The following AHI1 variants were observed in gnomAD, a reference collection of about 807,000 sequenced individuals.
AHI1 encodes the protein Abelson helper integration site 1, also known as jouberin.
Under a neutral mutation model 149.3 loss-of-function variants are expected in AHI1, and 123 were observed. That is an observed-to-expected ratio of 0.82 (90% CI 0.71 to 0.96). The LOEUF (loss-of-function observed/expected upper bound fraction) is 0.96. Among genes scored for constraint, AHI1 ranks in the 40% least tolerant of loss-of-function variants. AHI1 has a pLI of 0.00. For missense variants in AHI1, 1,439 were observed against 1,422.7 expected (o/e 1.01, Z -0.18); for synonymous variants, 475 against 459.8 (o/e 1.03, Z -0.42).
At chr6:135,374,081 C>CATATATATATATATAT (rs1180224509) in intron 23 of AHI1, among the ~76,000 whole-genome samples, 3 of 50,300 alleles carry the variant, frequency 6.0e-5, no homozygotes, top group Non-Finnish European at 7.8e-5. Flanking sequence ...TTTATATATA[C>CATATATATATATATAT]ATATATATAT....
Position 135,283,920 on chromosome 6 carries a change from ACT to A in AHI1, c.*1723_*1724del, listed in dbSNP as rs1351227731. The A allele has an allele frequency of 6.6e-6, 1 of 152,224 alleles. No individual in the cohort carries two copies. The highest frequency in any genetic ancestry group is 6.5e-5 in the Admixed American group (1 of 15,284). 9.4% of individuals were successfully genotyped at this position (152,224 alleles called of 1,614,324 possible). ...TTCATTCATCTTAAATTATTTCTAA[ACT>A]TGTTGAAATTCTTGGTGATTCAATC... On this transcript the variant is annotated 3_prime_UTR_variant, in exon 29 of 29. Coordinates refer to ENST00000265602, the MANE Select transcript of AHI1 (RefSeq NM_001134831.2).
In AHI1 at chr6:135,285,542, C is replaced by A; in HGVS notation, c.*103G>T. 1 of 1,206,294 alleles carries A rather than the reference C, an allele frequency of 8.3e-7. No individual in the cohort carries two copies. Among genetic ancestry groups the A allele is most frequent in the Non-Finnish European group, 1.2e-6 (1 of 831,492 alleles). 74.7% of individuals were successfully genotyped at this position (1,206,294 alleles called of 1,614,324 possible). On this transcript the variant is annotated 3_prime_UTR_variant, in exon 29 of 29. Transcript: ENST00000265602. ...AACAAGAAGTAGTGGATCCTTTCTT[C>A]CTCCTTAGTATCTGAAAATTCTGAA...
intron 24 of AHI1, among the ~76,000 whole-genome samples, chr6:135,350,746 A>G (rs1562554683): frequency 6.6e-6 from 1 of 152,186 alleles, no homozygotes; most frequent in Non-Finnish European, 1.5e-5. Flanking sequence ...AGAGAGATCA[A>G]ATGTTCGAAG....
intron 24 of AHI1, among the ~76,000 whole-genome samples, chr6:135,356,074 G>T (rs1241947422): frequency 6.6e-6 from 1 of 152,178 alleles, no homozygotes; most frequent in Admixed American, 6.5e-5. Context: ...ATGAAAATGG[G>T]TAAAGAAGTA....
intron 23 of AHI1, among the ~76,000 whole-genome samples, chr6:135,391,300 G>A (rs12190426): frequency 0.15 from 22,877 of 152,152 alleles, 2,151 homozygotes; most frequent in Non-Finnish European, 0.21. Flanking sequence ...CCAGGTTCAT[G>A]GAAGACAATT....
intron 13 of AHI1, among the ~76,000 whole-genome samples, chr6:135,445,374 C>A (rs921401441): frequency 3.3e-5 from 5 of 152,058 alleles, no homozygotes; most frequent in African/African-American, 1.2e-4. Context: ...CTTGCCACTG[C>A]ATAAAATGCT....
rs114239734 is a variant in AHI1 at position 135,401,925 on chromosome 6, C to A, written c.2988+3026G>T. On this transcript the variant is annotated intron_variant, in intron 22 of 28. Transcript: ENST00000265602. ...AAAATGGGATAAAATATTTGCAAAT[C>A]ATCTAACTCATAAGACACTTGTATC... Among the ~76,000 whole-genome samples, 215 of 152,058 alleles carry A rather than the reference C, an allele frequency of 1.4e-3. 2 individuals carry two copies. Among genetic ancestry groups the A allele is most frequent in the African/African-American group, 5.0e-3 (207 of 41,502 alleles).
At chr6:135,380,738 C>A (rs1776629466) in intron 23 of AHI1, among the ~76,000 whole-genome samples, 1 of 119,504 alleles carries the variant, frequency 8.4e-6, no homozygotes, top group Admixed American at 7.9e-5. Flanking sequence ...ATAACCCCCC[C>A]CCCCCCAAAA....
rs1323544020 is a variant in AHI1, at chr6:135,322,113, AC to A, written c.3328+1048del. Among the ~76,000 whole-genome samples the A allele has an allele frequency of 3.3e-5, 5 of 152,328 alleles. No individual in the cohort carries two copies. In the East Asian group the frequency reaches 9.6e-4, roughly 29 times the overall value. On this transcript the variant is annotated intron_variant, in intron 25 of 28. Coordinates refer to ENST00000265602, the MANE Select transcript of AHI1 (RefSeq NM_001134831.2). ...CCACAGTGCCTGGCCCGCCTATACT[AC>A]ATTTTGAATCAGAACCAGAATTTTT...
intron 4 of AHI1, among the ~76,000 whole-genome samples, chr6:135,491,375 T>C (rs1795223141): frequency 6.6e-6 from 1 of 152,140 alleles, no homozygotes; most frequent in African/African-American, 2.4e-5. Flanking sequence ...TTCCTTTAGC[T>C]CCTCCGTCAC....
intron 23 of AHI1, among the ~76,000 whole-genome samples, chr6:135,371,290 T>C (rs1775020498): frequency 1.3e-5 from 2 of 152,238 alleles, no homozygotes; most frequent in South Asian, 4.1e-4. Flanking sequence ...TATGCCTTCC[T>C]TTGGATAAGA....
intron 23 of AHI1, among the ~76,000 whole-genome samples, chr6:135,383,222 C>G (rs996842952): frequency 5.9e-5 from 4 of 67,644 alleles, no homozygotes; most frequent in African/African-American, 3.7e-4. Context: ...TCCTTCCCCC[C>G]TCCCTTTTTT....
At position 135,490,741 on chromosome 6, in the gene AHI1, C is replaced by T; in HGVS notation, c.17G>A (p.Ser6Asn). 1.2e-6 allele frequency: 2 copies of T among 1,612,670 alleles called. No individual in the cohort carries two copies. The highest frequency in any genetic ancestry group is 1.1e-5 in the South Asian group (1 of 90,918). The change falls in exon 5 of 29, where the codon AGT becomes AAT. Residue 6 changes from serine to asparagine, a missense_variant. Transcript: ENST00000265602. The stretch of plus-strand genomic sequence containing the variant: ...AACTTTGGTTTTTACTTTTGCTTCA[C>T]TCTCAGCTACAAAAGATACAGCCAT... MPTAE[S>N]EAKVKTKVRF...
At chr6:135,440,095 A>G (rs2757643) in intron 14 of AHI1, among the ~76,000 whole-genome samples, 197 of 152,078 alleles carry the variant, frequency 1.3e-3, no homozygotes, top group African/African-American at 4.6e-3. Context: ...CTCAAACTTT[A>G]AAGGAGCCTT....
rs192194916 is a variant in AHI1, at chr6:135,321,195, C to G, written c.3328+1967G>C. 2.0e-5 allele frequency among the ~76,000 whole-genome samples: 3 copies of G among 151,782 alleles called. No individual in the cohort carries two copies. In the South Asian group the frequency reaches 6.2e-4, roughly 31 times the overall value. ...GGAGGACTGCTTGAGCCCGGGAGGTCAAGGCTTTAGTGAGCCGTGACTGCA... is the reference window on the plus strand; with the variant it reads ...GGAGGACTGCTTGAGCCCGGGAGGTGAAGGCTTTAGTGAGCCGTGACTGCA... On this transcript the variant is annotated intron_variant, in intron 25 of 28. Transcript: ENST00000265602.
chr6:135,322,938 TA>T lies in AHI1; in HGVS notation c.3328+223del, dbSNP rs1298591598. Among the ~76,000 whole-genome samples the T allele has an allele frequency of 3.9e-5, 6 of 152,268 alleles. No individual in the cohort carries two copies. The South Asian group carries it at 1.0e-3, about 26-fold the overall frequency. On this transcript the variant is annotated intron_variant, in intron 25 of 28. Transcript: ENST00000265602. ...GCTAGAGGGGCAGGGTCCCCGAGGA[TA>T]AGAAGTCCATGAAACAAACATTCCA... is the stretch of plus-strand genomic sequence containing the variant.
At chr6:135,387,904 T>C (rs1014301583) in intron 23 of AHI1, 4 of 1,588,442 alleles carry the variant, frequency 2.5e-6, no homozygotes, top group Admixed American at 3.6e-5. Flanking sequence ...AGAGAGAAAG[T>C]GAACTACCTA....
intron 23 of AHI1, among the ~76,000 whole-genome samples, chr6:135,372,742 A>G (rs1364098484): frequency 6.6e-6 from 1 of 152,182 alleles, no homozygotes; most frequent in African/African-American, 2.4e-5. Context: ...AAGGAAGGAA[A>G]CAGTGGCTTT....
At chr6:135,440,485 C>T (rs1786110408) in intron 14 of AHI1, among the ~76,000 whole-genome samples, 1 of 152,118 alleles carries the variant, frequency 6.6e-6, no homozygotes, top group South Asian at 2.1e-4. Flanking sequence ...GATTCCCATC[C>T]ATGTATGTGA....
Sources: allele counts gnomAD v4.1 joint callset (sites outside exome capture counted in the v4.1 genomes callset), GRCh38; gene constraint gnomAD v4.1.1; transcripts MANE v1.5; gene names NCBI Gene and HGNC (gene_info 2026-07-23, HGNC 2026-07-21).